The following SRRM4 variants were observed in gnomAD, a reference collection of about 807,000 sequenced individuals.
SRRM4 encodes the protein serine/arginine repetitive matrix protein 4.
A neutral mutation model predicts 68.9 loss-of-function variants in SRRM4; 33 were observed. The ratio of observed to expected loss-of-function variants is 0.48; its 90% CI spans 0.36 to 0.64. The LOEUF is 0.64. Among genes scored for constraint, SRRM4 ranks in the 30% least tolerant of loss-of-function variants. The pLI, the probability that SRRM4 is intolerant of heterozygous loss-of-function variation, is 0.00. For synonymous variants in SRRM4, 318 were observed against 318.8 expected (o/e 1.00, Z 0.03); for missense variants, 817 against 827.1 (o/e 0.99, Z 0.15).
chr12:118,999,516 A>G (rs1953370141), intron 1 of SRRM4, among the ~76,000 whole-genome samples: 1 of 152,226 alleles, frequency 6.6e-6, no homozygotes, highest in Non-Finnish European at 1.5e-5. Context: ...CATTTAAAAG[A>G]GTCTCAAATT....
At chr12:119,089,461 G>A (rs1008517436) in intron 1 of SRRM4, among the ~76,000 whole-genome samples, 2 of 152,204 alleles carry the variant, frequency 1.3e-5, no homozygotes, top group African/African-American at 4.8e-5. Flanking sequence ...ACAGCTGGAT[G>A]CCTGGGTTGG....
chr12:119,160,545 G>T lies in SRRM4; in HGVS notation c.*3747G>T. 2 of 152,302 alleles carry T rather than the reference G, an allele frequency of 1.3e-5. No individual in the cohort carries two copies. The highest frequency in any genetic ancestry group is 3.9e-4 in the East Asian group (2 of 5,178). The allele number at this position is 152,302 out of a possible 1,614,324, so 9.4% of individuals were successfully genotyped here. A position where few individuals can be genotyped will look rare whatever the true frequency, so the allele number is the denominator to read the frequency against. ...ATCTCAAAAACCAACATCCAAAATG[G>T]GAGGGAGATGTGGCTTGAGGTCAAG... On this transcript the variant is annotated 3_prime_UTR_variant, in exon 13 of 13. Coordinates refer to ENST00000267260, the MANE Select transcript of SRRM4 (RefSeq NM_194286.4).
chr12:119,151,708 G>C (rs760943895), intron 10 of SRRM4, among the ~76,000 whole-genome samples: 48 of 152,058 alleles, frequency 3.2e-4, no homozygotes, highest in Non-Finnish European at 6.5e-4. Flanking sequence ...GGGTTGGCTG[G>C]GGGCTGGAGA....
At chr12:118,982,926 A>G (rs1207099133) in intron 1 of SRRM4, among the ~76,000 whole-genome samples, 1 of 152,176 alleles carries the variant, frequency 6.6e-6, no homozygotes, top group Non-Finnish European at 1.5e-5. Flanking sequence ...AATGAAGGGA[A>G]GAAGGCTGTG....
At chr12:119,116,544 G>A (rs4767783) in intron 3 of SRRM4, among the ~76,000 whole-genome samples, 75,399 of 151,828 alleles carry the variant, frequency 0.5, 20,563 homozygotes, top group African/African-American at 0.72. Context: ...GCAAAAACCA[G>A]TGGGATCCCA....
intron 8 of SRRM4, among the ~76,000 whole-genome samples, chr12:119,139,727 T>C (rs566800933): frequency 1.3e-5 from 2 of 152,078 alleles, no homozygotes; most frequent in Non-Finnish European, 2.9e-5. Flanking sequence ...AACTGGCAGA[T>C]CAAAACCCCC....
At chr12:119,034,895 C>T (rs749523129) in intron 1 of SRRM4, among the ~76,000 whole-genome samples, 1 of 152,150 alleles carries the variant, frequency 6.6e-6, no homozygotes, top group Non-Finnish European at 1.5e-5. Context: ...CTATTTTTTA[C>T]TCACAACTGA....
At chr12:119,081,418 G>A (rs775097007) in intron 1 of SRRM4, among the ~76,000 whole-genome samples, 9 of 152,116 alleles carry the variant, frequency 5.9e-5, no homozygotes, top group African/African-American at 9.7e-5. Context: ...GGAACAGCCC[G>A]TGCAAAACTC....
At chr12:119,095,884 C>T (rs1029280753) in intron 1 of SRRM4, among the ~76,000 whole-genome samples, 8 of 148,752 alleles carry the variant, frequency 5.4e-5, no homozygotes, top group Admixed American at 1.3e-4. Flanking sequence ...CACTTGAACC[C>T]GGGAGGCGGA....
At chr12:119,064,246 G>A (rs931978561) in intron 1 of SRRM4, among the ~76,000 whole-genome samples, 5 of 152,116 alleles carry the variant, frequency 3.3e-5, no homozygotes, top group Non-Finnish European at 7.4e-5. Context: ...TGGTAACTAC[G>A]TGCTTACAAT....
chr12:119,095,776 T>C (rs999827121), intron 1 of SRRM4, among the ~76,000 whole-genome samples: 2 of 151,886 alleles, frequency 1.3e-5, no homozygotes, highest in Non-Finnish European at 2.9e-5. Context: ...TCCTTTCCTA[T>C]ATTTTCAAAA....
At chr12:118,982,682 T>A (rs1253373937) in intron 1 of SRRM4, among the ~76,000 whole-genome samples, 1 of 134,288 alleles carries the variant, frequency 7.4e-6, no homozygotes, top group African/African-American at 2.8e-5. Context: ...TTTTTTTGTT[T>A]TTTTTTTTTT....
At chr12:119,135,421 A>C (rs1232639646) in intron 8 of SRRM4, among the ~76,000 whole-genome samples, 1 of 152,232 alleles carries the variant, frequency 6.6e-6, no homozygotes, top group Non-Finnish European at 1.5e-5. Flanking sequence ...TGTCGAAACC[A>C]AAAACAATAA....
intron 4 of SRRM4, among the ~76,000 whole-genome samples, chr12:119,117,912 A>AAAAC (rs35121840): frequency 0.08 from 12,208 of 152,030 alleles, 553 homozygotes; most frequent in East Asian, 0.19. Flanking sequence ...CTCTGTCTAA[A>AAAAC]AAACAAACAA....
chr12:119,079,890 GT>G (rs5801315), intron 1 of SRRM4, among the ~76,000 whole-genome samples: 4 of 150,834 alleles, frequency 2.7e-5, no homozygotes, highest in South Asian at 2.1e-4. Flanking sequence ...ATATTCTGAA[GT>G]TTTTTTTTTC....
chr12:119,118,654 A>C (rs1207721128), intron 4 of SRRM4, among the ~76,000 whole-genome samples: 2 of 152,232 alleles, frequency 1.3e-5, no homozygotes, highest in Non-Finnish European at 2.9e-5. Flanking sequence ...GCCCACACTT[A>C]TGATTCTAGA....
At chr12:119,064,239 T>C (rs1487145767) in intron 1 of SRRM4, among the ~76,000 whole-genome samples, 4 of 152,238 alleles carry the variant, frequency 2.6e-5, no homozygotes, top group African/African-American at 9.6e-5. Context: ...TATATCCTGG[T>C]AACTACGTGC....
chr12:119,145,134 G>T (rs1041983188), intron 8 of SRRM4, among the ~76,000 whole-genome samples: 2 of 151,208 alleles, frequency 1.3e-5, no homozygotes, highest in Non-Finnish European at 2.9e-5. Context: ...AATCTGAATC[G>T]CATGCTTTTT....
chr12:119,144,321 G>A (rs1954386949), intron 8 of SRRM4, among the ~76,000 whole-genome samples: 1 of 152,192 alleles, frequency 6.6e-6, no homozygotes, highest in Non-Finnish European at 1.5e-5. Context: ...CTAAGGGATT[G>A]ATTAGGTTGG....
Sources: allele counts gnomAD v4.1 joint callset (sites outside exome capture counted in the v4.1 genomes callset), GRCh38; gene constraint gnomAD v4.1.1; transcripts MANE v1.5; gene names NCBI Gene and HGNC (gene_info 2026-07-23, HGNC 2026-07-21).